Variants in STK24 observed in about 807,000 individuals in gnomAD.
STK24 encodes serine/threonine kinase 24.
STK24 carries 21 observed loss-of-function variants against 55.6 expected under a neutral mutation model. The observed-to-expected ratio is 0.38, with a 90% CI of 0.27 to 0.54. The LOEUF is 0.54. STK24 is among the 20% of genes least tolerant of loss of function. The pLI is 0.79. For synonymous variants in STK24, 200 were observed against 215.2 expected (o/e 0.93, Z 0.62); for missense variants, 383 against 538.4 (o/e 0.71, Z 2.86).
intron 1 of STK24, among the ~76,000 whole-genome samples, chr13:98,545,896 AAG>A (rs1897017872): frequency 6.6e-6 from 1 of 152,204 alleles, no homozygotes; most frequent in South Asian, 2.1e-4. Context: ...AATACAAAAA[AAG>A]AGAAATCATT....
At chr13:98,460,545 T>C (rs1052486040) in intron 8 of STK24, 105 bp from the exon 9 acceptor site, 1 of 888,742 alleles carries the variant, frequency 1.1e-6, no homozygotes, top group African/African-American at 1.7e-5. Context: ...GAGTTGCCTC[T>C]ACACTTCACG....
intron 2 of STK24, among the ~76,000 whole-genome samples, chr13:98,486,603 CT>C (rs369688035): frequency 2.9e-4 from 44 of 152,306 alleles, no homozygotes; most frequent in African/African-American, 1.0e-3. Context: ...AGCAGCACCC[CT>C]GGCTCTGTCC....
intron 1 of STK24, among the ~76,000 whole-genome samples, chr13:98,528,468 C>G (rs973945777): frequency 3.9e-5 from 6 of 152,148 alleles, no homozygotes; most frequent in African/African-American, 9.7e-5. Flanking sequence ...AACCCAAGTG[C>G]GAAGTATCCT....
At chr13:98,472,376 G>A (rs1171017411) in intron 5 of STK24, among the ~76,000 whole-genome samples, 2 of 152,232 alleles carry the variant, frequency 1.3e-5, no homozygotes, top group African/African-American at 4.8e-5. Context: ...GCCCTTCAAG[G>A]AAGGTGGGTG....
intron 2 of STK24, among the ~76,000 whole-genome samples, chr13:98,497,980 C>T (rs1199629042): frequency 1.3e-5 from 2 of 152,236 alleles, no homozygotes; most frequent in East Asian, 1.9e-4. Flanking sequence ...CACCCCACTA[C>T]ACCTATTTTG....
At chr13:98,485,336 A>G (rs935084447) in intron 2 of STK24, among the ~76,000 whole-genome samples, 4 of 152,204 alleles carry the variant, frequency 2.6e-5, no homozygotes, top group Admixed American at 6.5e-5. Context: ...TTGGTAAGAG[A>G]TGAAATCACG....
At chr13:98,546,185 C>G (rs989307352) in intron 1 of STK24, among the ~76,000 whole-genome samples, 3 of 152,306 alleles carry the variant, frequency 2.0e-5, no homozygotes, top group Admixed American at 6.5e-5. Flanking sequence ...AGTGCCACCC[C>G]CACTGTCCCC....
chr13:98,527,047 G>C (rs969457793), intron 1 of STK24, among the ~76,000 whole-genome samples: 3 of 152,236 alleles, frequency 2.0e-5, no homozygotes, highest in Non-Finnish European at 4.4e-5. Context: ...CTCGGAAGTA[G>C]AAATTTGTTT....
At chr13:98,554,235 C>CA (rs1897232575) in intron 1 of STK24, among the ~76,000 whole-genome samples, 1 of 151,964 alleles carries the variant, frequency 6.6e-6, no homozygotes, top group Admixed American at 6.6e-5. Flanking sequence ...AAAATAACAA[C>CA]AAACGTCCTC....
At chr13:98,486,797 C>T (rs1485807371) in intron 2 of STK24, among the ~76,000 whole-genome samples, 1 of 152,216 alleles carries the variant, frequency 6.6e-6, no homozygotes, top group Non-Finnish European at 1.5e-5. Flanking sequence ...CTCGTCTTGG[C>T]TTACACACTG....
chr13:98,509,615 C>T (rs186721412), intron 2 of STK24, among the ~76,000 whole-genome samples: 5 of 152,314 alleles, frequency 3.3e-5, no homozygotes, highest in East Asian at 3.9e-4. Flanking sequence ...ATACCAGAAG[C>T]AGGGCTTAGT....
chr13:98,551,009 G>A (rs9517345), intron 1 of STK24, among the ~76,000 whole-genome samples: 27,589 of 151,956 alleles, frequency 0.18, 2,591 homozygotes, highest in South Asian at 0.25. Context: ...ACACTTGGCC[G>A]GGCGTGGTGG....
intron 9 of STK24, 116 bp from the exon 10 acceptor site, chr13:98,457,420 T>C: frequency 7.1e-7 from 1 of 1,401,898 alleles, no homozygotes; most frequent in Non-Finnish European, 9.7e-7. Flanking sequence ...AGCCCCAGGG[T>C]GTCCGGGAAA....
At chr13:98,495,586 T>A (rs572917598) in intron 2 of STK24, among the ~76,000 whole-genome samples, 1 of 152,344 alleles carries the variant, frequency 6.6e-6, no homozygotes, top group Non-Finnish European at 1.5e-5. Context: ...CATTCAACTT[T>A]CTGGACAGAG....
rs1892916244 is a variant in STK24, at chr13:98,447,412, TG to T, written c.*5760del. ...CTGATCCTGGACTGAGCTCGAGAGC[TG>T]GGTTGAGAGCTGGGTTGATCAAAGT... On this transcript the variant is annotated 3_prime_UTR_variant, in exon 11 of 11. Coordinates refer to ENST00000539966, the MANE Select transcript of STK24 (RefSeq NM_001032296.4). 1 of 152,486 alleles carries T rather than the reference TG, an allele frequency of 6.6e-6. No homozygotes were observed. The highest frequency in any genetic ancestry group is 2.4e-5 in the African/African-American group (1 of 41,426). 9.4% of individuals were successfully genotyped at this position (152,486 alleles called of 1,614,324 possible).
intron 1 of STK24, among the ~76,000 whole-genome samples, chr13:98,557,273 C>T (rs1177838988): frequency 2.0e-5 from 3 of 152,254 alleles, no homozygotes; most frequent in African/African-American, 2.4e-5. Flanking sequence ...CTTCCACCAG[C>T]TCCAGACCCA....
At chr13:98,520,104 A>G (rs1444454856) in intron 1 of STK24, among the ~76,000 whole-genome samples, 1 of 152,196 alleles carries the variant, frequency 6.6e-6, no homozygotes, top group Non-Finnish European at 1.5e-5. Flanking sequence ...TTACACATAC[A>G]TATATAGTAT....
intron 6 of STK24, 33 bp from the exon 7 acceptor site, chr13:98,463,869 G>A: frequency 1.2e-6 from 2 of 1,607,224 alleles, no homozygotes; most frequent in Non-Finnish European, 1.7e-6. Context: ...TAAAGTATGA[G>A]ATGAAGTTCT....
At chr13:98,518,585 T>C (rs895799706) in intron 2 of STK24, among the ~76,000 whole-genome samples, 2 of 152,224 alleles carry the variant, frequency 1.3e-5, no homozygotes, top group Non-Finnish European at 2.9e-5. Flanking sequence ...TCATAAGCCT[T>C]CTTAGTGTTG....
Sources: allele counts gnomAD v4.1 joint callset (sites outside exome capture counted in the v4.1 genomes callset), GRCh38; gene constraint gnomAD v4.1.1; transcripts MANE v1.5; gene names NCBI Gene and HGNC (gene_info 2026-07-23, HGNC 2026-07-21).